The following PDXDC1 variants were observed in gnomAD, a reference collection of about 807,000 sequenced individuals.
PDXDC1 encodes pyridoxal-dependent decarboxylase domain-containing protein 1.
PDXDC1 carries 42 observed loss-of-function variants against 100.1 expected under a neutral mutation model. The ratio of observed to expected loss-of-function variants is 0.42; its 90% CI spans 0.33 to 0.54. The LOEUF is 0.54. Among genes scored for constraint, PDXDC1 ranks in the 20% least tolerant of loss-of-function variants. The pLI, the probability that PDXDC1 is intolerant of heterozygous loss-of-function variation, is 0.10. For missense variants in PDXDC1, 636 were observed against 979.2 expected, an observed-to-expected ratio of 0.65 and a Z score of 4.68; for synonymous variants, 260 against 371.7, an observed-to-expected ratio of 0.70 and a Z score of 3.46.
At chr16:14,976,482 A>G (rs1298494562) in intron 1 of PDXDC1, among the ~76,000 whole-genome samples, 3 of 152,276 alleles carry the variant, frequency 2.0e-5, no homozygotes, top group Non-Finnish European at 4.4e-5. Flanking sequence ...AGACAAGAAA[A>G]AGATAATATG....
At chr16:15,055,681 G>T (rs780025618) in intron 16 of PDXDC1, 3 of 368,568 alleles carry the variant, frequency 8.1e-6, no homozygotes, top group African/African-American at 2.1e-5. Context: ...CCCCTCCCTT[G>T]TCAGAGAGTG....
chr16:15,100,810 G>C (rs1396750562), intron 16 of PDXDC1, among the ~76,000 whole-genome samples: 2 of 152,054 alleles, frequency 1.3e-5, no homozygotes, highest in Non-Finnish European at 2.9e-5. Context: ...GCCTAGCCTA[G>C]GCAGATCTCT....
At chr16:15,072,070 C>T (rs1197736636) in intron 16 of PDXDC1, among the ~76,000 whole-genome samples, 1 of 152,156 alleles carries the variant, frequency 6.6e-6, no homozygotes, top group African/African-American at 2.4e-5. Context: ...GACACAGCTT[C>T]TCACCAAAGG....
At chr16:15,064,792 T>A (rs2044886750) in intron 16 of PDXDC1, among the ~76,000 whole-genome samples, 1 of 152,142 alleles carries the variant, frequency 6.6e-6, no homozygotes, top group South Asian at 2.1e-4. Flanking sequence ...CACGAGATGC[T>A]CATCAACAGC....
chr16:14,992,747 G>A (rs1334154424), intron 1 of PDXDC1, among the ~76,000 whole-genome samples: 16 of 152,368 alleles, frequency 1.1e-4, no homozygotes, highest in African/African-American at 2.9e-4. Flanking sequence ...CCTCATTGTC[G>A]TTTATTAGCT....
At chr16:15,101,153 A>G (rs1389790051) in intron 16 of PDXDC1, among the ~76,000 whole-genome samples, 2 of 152,196 alleles carry the variant, frequency 1.3e-5, no homozygotes, top group East Asian at 3.9e-4. Flanking sequence ...CACAAACCAC[A>G]AAATATGTCA....
intron 16 of PDXDC1, chr16:15,047,338 G>A (rs777735030): frequency 1.2e-5 from 9 of 772,774 alleles, no homozygotes; most frequent in Non-Finnish European, 1.6e-5. Context: ...AGGCAGACAC[G>A]GCAGTGGTGG....
intron 16 of PDXDC1, chr16:15,092,590 C>T: frequency 6.2e-7 from 1 of 1,611,868 alleles, no homozygotes; most frequent in Non-Finnish European, 8.5e-7. Flanking sequence ...AAAAGTCATT[C>T]TCTAATGCAC....
intron 16 of PDXDC1, chr16:15,133,662 C>T (rs1368057241): frequency 1.2e-5 from 18 of 1,544,340 alleles, no homozygotes; most frequent in Middle Eastern, 2.3e-4. Context: ...AGCAGCAGGG[C>T]GTACACCAGC....
chr16:15,149,655 G>A, the PDXDC1 span, among the ~76,000 whole-genome samples: 1 of 152,210 alleles, frequency 6.6e-6, no homozygotes, highest in Non-Finnish European at 1.5e-5. Context: ...CAAGGCCCTG[G>A]GTGCTCCTAT....
Position 14,986,810 on chromosome 16 carries a change from G to A in PDXDC1, c.22-10943G>A, listed in dbSNP as rs1265357523. Among the ~76,000 whole-genome samples the A allele has an allele frequency of 4.6e-5, 7 of 152,394 alleles. No individual in the cohort carries two copies. The East Asian group carries it at 5.8e-4, about 13-fold the overall frequency. On this transcript the variant is annotated intron_variant, in intron 1 of 22. Transcript: ENST00000396410. Reference sequence around the variant, plus strand: ...TGCCCAGGCTAGAGTGCAGTGGCGCGTTCTTGGCTAACTGCAAGCTCCGCC... The same window carrying A: ...TGCCCAGGCTAGAGTGCAGTGGCGCATTCTTGGCTAACTGCAAGCTCCGCC...
intron 16 of PDXDC1, among the ~76,000 whole-genome samples, chr16:15,053,571 A>G (rs1473321877): frequency 6.6e-6 from 1 of 152,100 alleles, no homozygotes; most frequent in African/African-American, 2.4e-5. Context: ...TTTCTGTATT[A>G]TTATATTTTG....
At chr16:15,061,773 C>A (rs145434552) in intron 16 of PDXDC1, 1 of 1,613,774 alleles carries the variant, frequency 6.2e-7, no homozygotes, top group South Asian at 1.1e-5. Context: ...ATGTACAACA[C>A]GGGTGGGGAG....
In PDXDC1 at chr16:15,037,869, A is replaced by C; in HGVS notation, c.*1594A>C. On this transcript the variant is annotated 3_prime_UTR_variant, in exon 23 of 23. Transcript: ENST00000396410. Reference sequence around the variant, plus strand: ...CTCAACAAATGCCTTTGCCAAAATAAGGTTTTATTTTGAAAGTCATTTGAT... The same window carrying C: ...CTCAACAAATGCCTTTGCCAAAATACGGTTTTATTTTGAAAGTCATTTGAT... 1 of 538,662 alleles carries C rather than the reference A, an allele frequency of 1.9e-6. No individual in the cohort carries two copies. Among genetic ancestry groups the C allele is most frequent in the Non-Finnish European group, 3.3e-6 (1 of 305,832 alleles). The allele number at this position is 538,662 out of a possible 1,614,324, so 33.4% of individuals were successfully genotyped here.
chr16:15,087,348 T>G (rs998311000), intron 16 of PDXDC1, among the ~76,000 whole-genome samples: 4 of 152,198 alleles, frequency 2.6e-5, no homozygotes, highest in African/African-American at 9.7e-5. Flanking sequence ...ATTCCCATTT[T>G]GCTGTTCAGG....
chr16:14,990,616 C>T (rs1453644903), intron 1 of PDXDC1, among the ~76,000 whole-genome samples: 10 of 152,282 alleles, frequency 6.6e-5, no homozygotes, highest in Admixed American at 5.2e-4. Context: ...GCAACAAACA[C>T]GTGAGGGTCT....
chr16:15,042,733 TTTA>T (rs2043875277), downstream of PDXDC1, among the ~76,000 whole-genome samples: 1 of 151,098 alleles, frequency 6.6e-6, no homozygotes, highest in African/African-American at 2.4e-5. Context: ...TATTTATTTA[TTTA>T]TTTATTTATT....
downstream of PDXDC1, among the ~76,000 whole-genome samples, chr16:15,141,241 C>A (rs1175512099): frequency 1.3e-5 from 2 of 152,246 alleles, no homozygotes; most frequent in African/African-American, 4.8e-5. Context: ...GACGCACACA[C>A]AGGCTGCCTG....
At chr16:15,059,461 C>T (rs1323953433) in intron 16 of PDXDC1, among the ~76,000 whole-genome samples, 1 of 152,180 alleles carries the variant, frequency 6.6e-6, no homozygotes, top group Non-Finnish European at 1.5e-5. Context: ...ATCCTTAAAG[C>T]CTTACACTAG....
Sources: gnomAD v4.1 joint callset for allele counts (sites outside exome capture counted in the v4.1 genomes callset) on GRCh38, gnomAD v4.1.1 for gene constraint, MANE v1.5 for transcripts, NCBI Gene and HGNC (gene_info 2026-07-23, HGNC 2026-07-21) for gene names.